The following HSDL2 variants were observed in gnomAD, a reference collection of about 807,000 sequenced individuals.
HSDL2 encodes the protein hydroxysteroid dehydrogenase-like protein 2.
Under a neutral mutation model 46.3 loss-of-function variants are expected in HSDL2, and 27 were observed. The ratio of observed to expected loss-of-function variants is 0.58; its 90% CI spans 0.43 to 0.80. The LOEUF (loss-of-function observed/expected upper bound fraction) is 0.80, where lower values mean the gene tolerates loss of function less well. Among genes scored for constraint, HSDL2 ranks in the 30% least tolerant of loss-of-function variants. HSDL2 has a pLI of 0.00. For synonymous variants in HSDL2, 153 were observed against 163.6 expected (o/e 0.94, Z 0.50); for missense variants, 451 against 502.7 (o/e 0.90, Z 0.98).
intron 1 of HSDL2, among the ~76,000 whole-genome samples, chr9:112,401,042 G>A (rs1020988051): frequency 6.6e-6 from 1 of 152,090 alleles, no homozygotes; most frequent in Non-Finnish European, 1.5e-5. Context: ...AGATAAGGCC[G>A]GGGTTATCTT....
At chr9:112,410,256 A>T (rs1012859321) in intron 4 of HSDL2, among the ~76,000 whole-genome samples, 1 of 152,164 alleles carries the variant, frequency 6.6e-6, no homozygotes. Flanking sequence ...TATATTTTCC[A>T]TGTGGATATC....
intron 1 of HSDL2, among the ~76,000 whole-genome samples, chr9:112,383,108 C>T (rs554524309): frequency 6.6e-6 from 1 of 151,868 alleles, no homozygotes; most frequent in East Asian, 1.9e-4. Flanking sequence ...GAATCTTGCT[C>T]TGTTGCCCAG....
intron 7 of HSDL2, among the ~76,000 whole-genome samples, chr9:112,441,164 C>T (rs1353738800): frequency 6.6e-6 from 1 of 152,072 alleles, no homozygotes; most frequent in Non-Finnish European, 1.5e-5. Context: ...CATATCACTG[C>T]ACTCCAGCCT....
intron 10 of HSDL2, among the ~76,000 whole-genome samples, chr9:112,468,997 G>A (rs76389342): frequency 0.012 from 1,843 of 152,236 alleles, 40 homozygotes; most frequent in African/African-American, 0.041. Context: ...TGGACGGGCT[G>A]TTCTGTTCCT....
intron 5 of HSDL2, among the ~76,000 whole-genome samples, chr9:112,417,493 A>G (rs968870535): frequency 4.6e-5 from 7 of 151,778 alleles, no homozygotes; most frequent in African/African-American, 1.7e-4. Flanking sequence ...AAAAAAAAAA[A>G]AACGACAAAA....
In HSDL2 at chr9:112,457,605, A is replaced by G. The variant is rs146609470; in HGVS notation, c.1016-1844A>G. On this transcript the variant is annotated intron_variant, in intron 9 of 10. Coordinates refer to ENST00000398805, the MANE Select transcript of HSDL2 (RefSeq NM_032303.5). ...GGCTGCAGTGAGTGATGATCATGCC[A>G]CTTCACTCTAGCCTAGGCAACAGAG... Among the ~76,000 whole-genome samples the G allele has an allele frequency of 1.9e-3, 294 of 152,298 alleles. 2 individuals carry two copies. The highest frequency in any genetic ancestry group is 6.5e-3 in the African/African-American group (271 of 41,560).
At chr9:112,380,583 T>C (rs1259941049) in intron 1 of HSDL2, among the ~76,000 whole-genome samples, 2 of 152,108 alleles carry the variant, frequency 1.3e-5, no homozygotes, top group African/African-American at 4.8e-5. Context: ...CGCTCAATTC[T>C]AGAGTAATAA....
rs764880400 is a variant in HSDL2 at position 112,454,171 on chromosome 9, T to C, written c.1015+9T>C. 2 of 1,598,280 alleles carry C rather than the reference T, an allele frequency of 1.3e-6. No homozygotes were observed. Among genetic ancestry groups the C allele is most frequent in the South Asian group, 2.3e-5 (2 of 88,060 alleles). On this transcript the variant is annotated intron_variant, in intron 9 of 10. Transcript: ENST00000398805. ...TCTGTTTGAACTCTCCGGTAAGGACTGCATCTGGTAATCTGAAGTTTTTAT... is the reference window on the plus strand; with the variant it reads ...TCTGTTTGAACTCTCCGGTAAGGACCGCATCTGGTAATCTGAAGTTTTTAT...
intron 4 of HSDL2, 105 bp downstream of exon 4, chr9:112,409,126 C>A: frequency 1.6e-6 from 1 of 631,418 alleles, no homozygotes; most frequent in Non-Finnish European, 2.9e-6. Context: ...AGTTCAAAAT[C>A]TAGTCAATCC....
In HSDL2 at chr9:112,448,340, T is replaced by G. The variant is rs571015527; in HGVS notation, c.866-5673T>G. On this transcript the variant is annotated intron_variant, in intron 8 of 10. Coordinates refer to ENST00000398805, the MANE Select transcript of HSDL2 (RefSeq NM_032303.5). ...TTAATTATCCTTATTTTATTCTTAA[T>G]TTTAATGAGAAAATCTTCAGATTTT... 1.6e-3 allele frequency among the ~76,000 whole-genome samples: 245 copies of G among 152,310 alleles called. 1 individual carries two copies. Among genetic ancestry groups the G allele is most frequent in the African/African-American group, 5.8e-3 (240 of 41,560 alleles).
At chr9:112,445,224 C>T (rs536722548) in intron 8 of HSDL2, among the ~76,000 whole-genome samples, 1 of 152,174 alleles carries the variant, frequency 6.6e-6, no homozygotes, top group African/African-American at 2.4e-5. Context: ...TGCAGTTGTT[C>T]TGGATTCTCA....
At position 112,454,169 on chromosome 9, in the gene HSDL2, A is replaced by C. The variant is rs776950383; in HGVS notation, c.1015+7A>C. ...TATCTGTTTGAACTCTCCGGTAAGGACTGCATCTGGTAATCTGAAGTTTTT... is the reference window on the plus strand; with the variant it reads ...TATCTGTTTGAACTCTCCGGTAAGGCCTGCATCTGGTAATCTGAAGTTTTT... On this transcript the variant is annotated splice_region_variant and intron_variant, in intron 9 of 10. Coordinates refer to ENST00000398805, the MANE Select transcript of HSDL2 (RefSeq NM_032303.5). 2.5e-6 allele frequency: 4 copies of C among 1,602,316 alleles called. No individual in the cohort carries two copies. The highest frequency in any genetic ancestry group is 3.4e-6 in the Non-Finnish European group (4 of 1,176,542).
At chr9:112,464,087 C>A (rs1191826169) in intron 10 of HSDL2, among the ~76,000 whole-genome samples, 1 of 151,936 alleles carries the variant, frequency 6.6e-6, no homozygotes, top group Non-Finnish European at 1.5e-5. Context: ...GAGTTGTCAG[C>A]CAGGCATGGT....
chr9:112,400,249 C>G (rs567306853), intron 1 of HSDL2, among the ~76,000 whole-genome samples: 7 of 152,220 alleles, frequency 4.6e-5, no homozygotes, highest in African/African-American at 1.7e-4. Context: ...CAGAAATTAC[C>G]AAGTGTTGGG....
intron 6 of HSDL2, among the ~76,000 whole-genome samples, chr9:112,425,604 CCTTTGAGCTTTCATATT>C (rs139682832): frequency 0.47 from 71,798 of 151,864 alleles, 17,117 homozygotes; most frequent in South Asian, 0.52. Context: ...TCTGTGAGAG[CCTTTGAGCTTTCATATT>C]CTTGGTGTCA....
chr9:112,384,310 T>G (rs557757907), intron 1 of HSDL2, among the ~76,000 whole-genome samples: 1 of 152,188 alleles, frequency 6.6e-6, no homozygotes, highest in East Asian at 1.9e-4. Flanking sequence ...TTCTTTGAAG[T>G]GCTCTTGCCT....
At chr9:112,439,182 G>C (rs1832591115) in intron 7 of HSDL2, among the ~76,000 whole-genome samples, 1 of 152,154 alleles carries the variant, frequency 6.6e-6, no homozygotes, top group Admixed American at 6.5e-5. Flanking sequence ...TGTATTTGTA[G>C]ATGTGGGGTT....
chr9:112,402,324 G>A (rs1241040083), intron 1 of HSDL2, among the ~76,000 whole-genome samples: 2 of 152,138 alleles, frequency 1.3e-5, no homozygotes, highest in Admixed American at 1.3e-4. Context: ...GGGGAGGCCA[G>A]GGTGGGAGGA....
rs769842504 is a variant in HSDL2 at position 112,429,825 on chromosome 9, C to T, written c.599-8606C>T. Among the ~76,000 whole-genome samples, 4 of 152,198 alleles carry T rather than the reference C, an allele frequency of 2.6e-5. No individual in the cohort carries two copies. In the East Asian group the frequency reaches 5.8e-4, roughly 22 times the overall value. ...TTTGGCATTAGGCCAGGAGTGTTGGCTCCTGCTTGTAATCCCAACACTTTG... is the reference window on the plus strand; with the variant it reads ...TTTGGCATTAGGCCAGGAGTGTTGGTTCCTGCTTGTAATCCCAACACTTTG... On this transcript the variant is annotated intron_variant, in intron 6 of 10. Transcript: ENST00000398805.
Sources: gnomAD v4.1 joint callset for allele counts (sites outside exome capture counted in the v4.1 genomes callset) on GRCh38, gnomAD v4.1.1 for gene constraint, MANE v1.5 for transcripts, NCBI Gene and HGNC (gene_info 2026-07-23, HGNC 2026-07-21) for gene names.